Variants in SDCCAG8 observed in about 807,000 individuals in gnomAD.
SDCCAG8 encodes SHH signaling and ciliogenesis regulator SDCCAG8.
Under a neutral mutation model 101.8 loss-of-function variants are expected in SDCCAG8, and 74 were observed. That is an observed-to-expected ratio of 0.73 (90% CI 0.60 to 0.88). The LOEUF (loss-of-function observed/expected upper bound fraction) is 0.88, where lower values mean the gene tolerates loss of function less well. Ranked by LOEUF, SDCCAG8 falls within the 40% of genes least tolerant of loss-of-function variation. The probability of loss-of-function intolerance (pLI) is 0.00; values close to 1 mark genes in which losing one functional copy is unlikely to be tolerated. For synonymous variants in SDCCAG8, 281 were observed against 292.9 expected (o/e 0.96, Z 0.41); for missense variants, 787 against 822.6 (o/e 0.96, Z 0.53).
chr1:243,372,602 TA>T (rs1376886985), intron 12 of SDCCAG8, among the ~76,000 whole-genome samples: 1 of 152,050 alleles, frequency 6.6e-6, no homozygotes, highest in Non-Finnish European at 1.5e-5. Flanking sequence ...TTAATTTATG[TA>T]AAAAATATAT....
chr1:243,266,783 A>AAAAAAAG (rs74162264), intron 1 of SDCCAG8, among the ~76,000 whole-genome samples: 1 of 148,224 alleles, frequency 6.7e-6, no homozygotes, highest in Non-Finnish European at 1.5e-5. Flanking sequence ...ATACAAAAAA[A>AAAAAAAG]AAAAAAGAAA....
At chr1:243,336,654 G>A (rs2075034742) in intron 10 of SDCCAG8, among the ~76,000 whole-genome samples, 2 of 152,136 alleles carry the variant, frequency 1.3e-5, no homozygotes, top group African/African-American at 4.8e-5. Flanking sequence ...CTGCCCCGAC[G>A]ATCCAATCAC....
At chr1:243,300,616 C>T (rs2071404488) in intron 6 of SDCCAG8, among the ~76,000 whole-genome samples, 1 of 152,208 alleles carries the variant, frequency 6.6e-6, no homozygotes, top group African/African-American at 2.4e-5. Context: ...CTCCACCTCA[C>T]ATTTTACATT....
chr1:243,332,681 A>AGTCCAGGTCTGGAGGTGATTTTCGCG (rs1558308461), intron 10 of SDCCAG8, among the ~76,000 whole-genome samples: 5 of 149,708 alleles, frequency 3.3e-5, no homozygotes, highest in Admixed American at 6.7e-5. Context: ...TGATTATCGC[A>AGTCCAGGTCTGGAGGTGATTTTCGCG]GTCCAGGTCT....
At chr1:243,387,111 C>T (rs1248119999) in intron 13 of SDCCAG8, among the ~76,000 whole-genome samples, 2 of 152,162 alleles carry the variant, frequency 1.3e-5, no homozygotes, top group Non-Finnish European at 2.9e-5. Flanking sequence ...TGGCTTATGC[C>T]GCTCATATGA....
chr1:243,298,836 A>T (rs538044812), intron 6 of SDCCAG8, among the ~76,000 whole-genome samples: 1 of 152,268 alleles, frequency 6.6e-6, no homozygotes, highest in South Asian at 2.1e-4. Context: ...TGCTAATACT[A>T]TACTGTCTTG....
At chr1:243,399,244 G>C (rs67807908) in intron 13 of SDCCAG8, among the ~76,000 whole-genome samples, 1 of 152,028 alleles carries the variant, frequency 6.6e-6, no homozygotes, top group Admixed American at 6.5e-5. Flanking sequence ...TAGAGTCTAA[G>C]TTTCCTTTCT....
At chr1:243,293,024 A>C (rs2070425770) in intron 5 of SDCCAG8, 67 bp from the exon 6 acceptor site, 1 of 1,578,364 alleles carries the variant, frequency 6.3e-7, no homozygotes, top group Non-Finnish European at 8.7e-7. Flanking sequence ...TAGGTATTTT[A>C]TTTGTAAAAT....
chr1:243,328,566 C>T (rs2149347169), intron 9 of SDCCAG8, among the ~76,000 whole-genome samples: 1 of 151,854 alleles, frequency 6.6e-6, no homozygotes, highest in South Asian at 2.1e-4. Context: ...CGTGAGCCAC[C>T]ACGCCCAGCC....
At chr1:243,401,845 C>T (rs967506637) in intron 13 of SDCCAG8, among the ~76,000 whole-genome samples, 1 of 151,992 alleles carries the variant, frequency 6.6e-6, no homozygotes, top group African/African-American at 2.4e-5. Flanking sequence ...CCTTTCAAAT[C>T]ATAGGTGAGT....
At chr1:243,267,829 C>G in intron 1 of SDCCAG8, 1 of 922,406 alleles carries the variant, frequency 1.1e-6, no homozygotes, top group East Asian at 2.4e-5. Flanking sequence ...AAGGGATACA[C>G]TTGACATGCA....
chr1:243,441,773 T>A (rs948783725), intron 16 of SDCCAG8, among the ~76,000 whole-genome samples: 1 of 152,072 alleles, frequency 6.6e-6, no homozygotes, highest in Non-Finnish European at 1.5e-5. Context: ...ATAGGAGGAG[T>A]CACAACTGTC....
intron 17 of SDCCAG8, among the ~76,000 whole-genome samples, chr1:243,495,774 C>T (rs1667698996): frequency 6.6e-6 from 1 of 152,192 alleles, no homozygotes; most frequent in Admixed American, 6.5e-5. Flanking sequence ...CTCCTCAGTG[C>T]GTTGGTGGCG....
At position 243,447,248 on chromosome 1, in the gene SDCCAG8, C is replaced by CAAA. The variant is rs397830130; in HGVS notation, c.1985+20716_1985+20718dup. Among the ~76,000 whole-genome samples, 293 of 41,364 alleles carry CAAA rather than the reference C, an allele frequency of 7.1e-3. 58 individuals are homozygous for CAAA. The highest frequency in any genetic ancestry group is 0.032 in the African/African-American group (249 of 7,844). The allele number at this position is 41,364 out of a possible 152,430, so 27.1% of individuals were successfully genotyped here. ...TGGGTGACAGAACAAGACTTCGTCTCAAAAAAAAAAAAAAAAAAAAAAAAA... is the reference window on the plus strand; with the variant it reads ...TGGGTGACAGAACAAGACTTCGTCTCAAAAAAAAAAAAAAAAAAAAAAAAAAAA... On this transcript the variant is annotated intron_variant, in intron 16 of 17. Transcript: ENST00000366541.
Position 243,418,733 on chromosome 1 carries a change from AC to A in SDCCAG8, c.1853+658del, listed in dbSNP as rs1356939988. Reference sequence around the variant, plus strand: ...AGCCCGACTCCCCATCTCAGCTCCGACAGTAACTGAATAATCTTGGACAAAT... The same window carrying A: ...AGCCCGACTCCCCATCTCAGCTCCGAAGTAACTGAATAATCTTGGACAAAT... On this transcript the variant is annotated intron_variant, in intron 15 of 17. Transcript: ENST00000366541. Among the ~76,000 whole-genome samples the A allele has an allele frequency of 2.0e-5, 3 of 152,302 alleles. No homozygotes were observed. The East Asian group carries it at 5.8e-4, about 29-fold the overall frequency.
rs1425657048 is a variant in SDCCAG8 at position 243,474,442 on chromosome 1, C to T, written c.1986-14572C>T. 6.6e-6 allele frequency among the ~76,000 whole-genome samples: 1 copy of T among 151,372 alleles called. No individual in the cohort carries two copies. Among genetic ancestry groups the T allele is most frequent in the Non-Finnish European group, 1.5e-5 (1 of 67,864 alleles). On this transcript the variant is annotated intron_variant, in intron 16 of 17. Transcript: ENST00000366541. This position sits in a 1 kb window ranked among gnomAD's most constrained non-coding sequence, Gnocchi z 4.7. ...GGCTCCAGGCCCTCTCGCGCGGCTTCGGGACTCGGCCGAGCCCGGGCCTAG... is the reference window on the plus strand; with the variant it reads ...GGCTCCAGGCCCTCTCGCGCGGCTTTGGGACTCGGCCGAGCCCGGGCCTAG...
intron 16 of SDCCAG8, among the ~76,000 whole-genome samples, chr1:243,441,302 G>A (rs2082518417): frequency 6.6e-6 from 1 of 152,100 alleles, no homozygotes; most frequent in African/African-American, 2.4e-5. Flanking sequence ...GGGATGGATG[G>A]GTATTAAGAT....
intron 12 of SDCCAG8, among the ~76,000 whole-genome samples, chr1:243,352,490 A>G (rs2076133655): frequency 6.6e-6 from 1 of 152,236 alleles, no homozygotes; most frequent in South Asian, 2.1e-4. Flanking sequence ...CTTCTCAGGT[A>G]CCAACTCTGC....
chr1:243,453,760 G>A (rs185361849), intron 16 of SDCCAG8, among the ~76,000 whole-genome samples: 2 of 152,224 alleles, frequency 1.3e-5, no homozygotes, highest in East Asian at 3.9e-4. Context: ...ATTTTATTTG[G>A]TTTATTTTCT....
Sources: allele counts gnomAD v4.1 joint callset (sites outside exome capture counted in the v4.1 genomes callset), GRCh38; gene constraint gnomAD v4.1.1; non-coding constraint Gnocchi (gnomAD v3.1); transcripts MANE v1.5; gene names NCBI Gene and HGNC (gene_info 2026-07-23, HGNC 2026-07-21).